PEG3: variants seen among roughly 807,000 people sequenced by gnomAD.
PEG3 encodes paternally expressed 3.
Under a neutral mutation model 35.5 loss-of-function variants are expected in PEG3, and 23 were observed. The observed-to-expected ratio is 0.65, with a 90% CI of 0.47 to 0.92. The LOEUF (loss-of-function observed/expected upper bound fraction) is 0.92, where lower values mean the gene tolerates loss of function less well. Among genes scored for constraint, PEG3 ranks in the 40% least tolerant of loss-of-function variants. PEG3 has a pLI of 0.00. For missense variants in PEG3, 1,960 were observed against 1,985.3 expected (o/e 0.99, Z 0.24); for synonymous variants, 707 against 697.0 (o/e 1.01, Z -0.23).
At chr19:56,820,461 C>A (rs1036540174) in intron 7 of PEG3, among the ~76,000 whole-genome samples, 2 of 152,198 alleles carry the variant, frequency 1.3e-5, no homozygotes, top group African/African-American at 2.4e-5. Context: ...CAAAGCCCAA[C>A]TACCAAGACA....
At chr19:56,822,533 A>T in intron 6 of PEG3, 1 of 502,272 alleles carries the variant, frequency 2.0e-6, no homozygotes, top group Non-Finnish European at 3.5e-6. Flanking sequence ...AAGAATACTG[A>T]GCAAATAGTT....
intron 1 of PEG3, 61 bp from the exon 2 acceptor site, chr19:56,836,165 G>A (rs192051237): frequency 1.6e-5 from 7 of 434,004 alleles, no homozygotes; most frequent in Non-Finnish European, 2.8e-5. Flanking sequence ...GGTTCCTCAG[G>A]GGGGAACAAT....
intron 2 of PEG3, 23 bp from the exon 3 acceptor site, chr19:56,826,486 A>C (rs2061042502): frequency 6.6e-6 from 1 of 152,242 alleles, no homozygotes; most frequent in South Asian, 2.1e-4. Flanking sequence ...TAAAGGAAGA[A>C]ATACACAGAC....
In PEG3 at chr19:56,815,316, G is replaced by A. The variant is rs550298824; in HGVS notation, c.3126C>T (p.Thr1042=). 6.4e-5 allele frequency: 103 copies of A among 1,614,160 alleles called. 1 individual carries two copies. In the South Asian group the frequency reaches 1.0e-3, roughly 16 times the overall value. ...KCKDFRQFFA[T]SEDLNTNQKI... ...TCTGGTTTGTGTTGAGGTCTTCGCT[G>A]GTAGCAAAAAATTGTCTGAAGTCCT... Residue 1042 remains threonine (T), a synonymous_variant, in exon 10 of 10, where the codon ACC becomes ACT. Coordinates refer to ENST00000326441, the MANE Select transcript of PEG3 (RefSeq NM_006210.3).
intron 1 of PEG3, among the ~76,000 whole-genome samples, chr19:56,839,059 C>T (rs1438453333): frequency 4.6e-5 from 7 of 151,478 alleles, no homozygotes; most frequent in African/African-American, 7.3e-5. Flanking sequence ...GGCGCCCAGG[C>T]GGGCGGGCCT....
At chr19:56,835,431 C>T (rs994901478) in intron 2 of PEG3, among the ~76,000 whole-genome samples, 2 of 152,266 alleles carry the variant, frequency 1.3e-5, no homozygotes, top group South Asian at 4.1e-4. Flanking sequence ...AACAACAACC[C>T]TATCCCCTCT....
rs1370419586 is a variant in PEG3 at position 56,813,347 on chromosome 19, C to T, written c.*328G>A. The T allele has an allele frequency of 6.4e-6, 7 of 1,087,382 alleles. No individual in the cohort carries two copies. Among genetic ancestry groups the T allele is most frequent in the Non-Finnish European group, 7.9e-6 (7 of 887,570 alleles). The allele number at this position is 1,087,382 out of a possible 1,614,324, so 67.4% of individuals were successfully genotyped here. A position where few individuals can be genotyped will look rare whatever the true frequency, so the allele number is the denominator to read the frequency against. On this transcript the variant is annotated 3_prime_UTR_variant, in exon 10 of 10. Coordinates refer to ENST00000326441, the MANE Select transcript of PEG3 (RefSeq NM_006210.3). The stretch of plus-strand genomic sequence containing the variant: ...TACACCTCATGAAACACTATATATA[C>T]GTTACACAAGTGTCATTTACAGTTG...
In PEG3 at chr19:56,810,228, G is replaced by T; in HGVS notation, c.*3447C>A. On this transcript the variant is annotated 3_prime_UTR_variant, in exon 10 of 10. Coordinates refer to ENST00000326441, the MANE Select transcript of PEG3 (RefSeq NM_006210.3). ...ACACTCTTTGGATGGTGAAAACATG[G>T]GTGAGTTTCTCTTCTACATTTCTGT... The T allele has an allele frequency of 1.0e-6, 1 of 982,360 alleles. No homozygotes were observed. Among genetic ancestry groups the T allele is most frequent in the Non-Finnish European group, 1.2e-6 (1 of 827,238 alleles). 60.9% of individuals were successfully genotyped at this position (982,360 alleles called of 1,614,324 possible).
intron 7 of PEG3, among the ~76,000 whole-genome samples, chr19:56,818,942 T>G (rs1191592866): frequency 6.6e-6 from 1 of 152,214 alleles, no homozygotes; most frequent in Non-Finnish European, 1.5e-5. Flanking sequence ...TCATGCAGCT[T>G]ATAATTTGGT....
chr19:56,829,179 C>T (rs2061342928), intron 2 of PEG3, among the ~76,000 whole-genome samples: 1 of 152,068 alleles, frequency 6.6e-6, no homozygotes, highest in South Asian at 2.1e-4. Context: ...GGTGAAACTC[C>T]ATCTCTACTA....
intron 1 of PEG3, among the ~76,000 whole-genome samples, chr19:56,839,973 A>C (rs938712612): frequency 2.6e-5 from 4 of 152,214 alleles, no homozygotes; most frequent in Admixed American, 1.3e-4. Context: ...GGGGAAAGAA[A>C]ACCCCTACAG....
Position 56,817,579 on chromosome 19 carries a change from C to T in PEG3, c.863G>A (p.Gly288Asp), listed in dbSNP as rs766012134. Reference sequence around the variant, plus strand: ...TTTGGCTTCAGGCATAGTTTTTAGACCTGGAAAGAAACCCCAAATGTAAAT... The same window carrying T: ...TTTGGCTTCAGGCATAGTTTTTAGATCTGGAAAGAAACCCCAAATGTAAAT... Reference protein sequence around the residue: ...KRSAYPSTSRGLKTMPEAKKS... With the variant: ...KRSAYPSTSRDLKTMPEAKKS... The change falls in exon 10 of 10, where the codon GGT becomes GAT. Residue 288 changes from glycine (G) to aspartate (D), a missense_variant and splice_region_variant. By Grantham distance (94) the Gly-to-Asp change is moderately conservative. This residue lies in a region of PEG3 where 613 missense variants were observed against 577.1 expected (regional missense o/e 1.06). Transcript: ENST00000326441. 36 of 1,582,104 alleles carry T rather than the reference C, an allele frequency of 2.3e-5. No individual in the cohort carries two copies. The highest frequency in any genetic ancestry group is 3.0e-5 in the Non-Finnish European group (35 of 1,163,910).
intron 1 of PEG3, among the ~76,000 whole-genome samples, chr19:56,839,068 C>T (rs913798837): frequency 6.6e-6 from 1 of 152,004 alleles, no homozygotes; most frequent in African/African-American, 2.4e-5. Flanking sequence ...GCGGGCGGGC[C>T]TTGTCTCGCC....
At position 56,818,535 on chromosome 19, in the gene PEG3, A is replaced by G; in HGVS notation, c.772+65T>C. ...GTGGACTCTAACATCCAGCTTAAAAAGGAGCAAGATGACAAAATGCTCCAA... is the reference window on the plus strand; with the variant it reads ...GTGGACTCTAACATCCAGCTTAAAAGGGAGCAAGATGACAAAATGCTCCAA... On this transcript the variant is annotated intron_variant, in intron 8 of 9. Coordinates refer to ENST00000326441, the MANE Select transcript of PEG3 (RefSeq NM_006210.3). 4 of 1,554,368 alleles carry G rather than the reference A, an allele frequency of 2.6e-6. No homozygotes were observed. In the South Asian group the frequency reaches 3.4e-5, roughly 13 times the overall value.
chr19:56,824,915 GC>G (rs1186743151), intron 3 of PEG3, 174 bp from the exon 4 acceptor site: 1 of 419,750 alleles, frequency 2.4e-6, no homozygotes, highest in African/African-American at 2.0e-5. Flanking sequence ...TGACCTCTGG[GC>G]TTCACAGAGA....
At chr19:56,823,489 G>A (rs2060702398) in intron 5 of PEG3, 104 bp downstream of exon 5, 1 of 1,363,060 alleles carries the variant, frequency 7.3e-7, no homozygotes, top group African/African-American at 1.4e-5. Flanking sequence ...ACCACTCGGG[G>A]ATGGCGGGTC....
chr19:56,811,457 A>T lies in PEG3; in HGVS notation c.*2218T>A. ...CGTTGCTACATAACTCGTGATTATC[A>T]TTTTTAAACAGTTGCATTAAGTGTC... On this transcript the variant is annotated 3_prime_UTR_variant, in exon 10 of 10. Transcript: ENST00000326441. 1.0e-6 allele frequency: 1 copy of T among 964,596 alleles called. No homozygotes were observed. The highest frequency in any genetic ancestry group is 1.2e-6 in the Non-Finnish European group (1 of 810,960). 59.8% of individuals were successfully genotyped at this position (964,596 alleles called of 1,614,324 possible).
chr19:56,830,127 T>C (rs868569183), intron 2 of PEG3, among the ~76,000 whole-genome samples: 32 of 152,354 alleles, frequency 2.1e-4, no homozygotes, highest in African/African-American at 7.5e-4. Context: ...AGCACCTGTA[T>C]TTATACCCTA....
At chr19:56,834,345 C>T (rs2061865675) in intron 2 of PEG3, among the ~76,000 whole-genome samples, 1 of 152,148 alleles carries the variant, frequency 6.6e-6, no homozygotes, top group Admixed American at 6.5e-5. Context: ...GACAACATGG[C>T]TGTACCAGGC....
Sources: gnomAD v4.1 joint callset for allele counts (sites outside exome capture counted in the v4.1 genomes callset) on GRCh38, gnomAD v4.1.1 for gene constraint, gnomAD v4.1.1 regional missense constraint, MANE v1.5 for transcripts, NCBI Gene and HGNC (gene_info 2026-07-23, HGNC 2026-07-21) for gene names.